Variants in ATG4C observed in about 807,000 individuals in gnomAD.
ATG4C encodes the protein cysteine protease ATG4C.
In ATG4C, 56 loss-of-function variants were observed where a neutral mutation model predicts 57.6. The observed-to-expected ratio is 0.97, with a 90% confidence interval of 0.78 to 1.21. The LOEUF (loss-of-function observed/expected upper bound fraction) is 1.21. Among genes scored for constraint, ATG4C ranks in the 50% most tolerant of loss-of-function variants. The pLI is 0.00. For synonymous variants in ATG4C, 157 were observed against 174.1 expected (o/e 0.90, Z 0.78); for missense variants, 595 against 529.8 (o/e 1.12, Z -1.21).
chr1:62,855,229 A>G (rs1304811561), intron 10 of ATG4C, among the ~76,000 whole-genome samples: 1 of 152,124 alleles, frequency 6.6e-6, no homozygotes, highest in Non-Finnish European at 1.5e-5. Context: ...GAATTTGCTT[A>G]CTTTTCATGG....
intron 10 of ATG4C, among the ~76,000 whole-genome samples, chr1:62,846,194 G>A (rs1331693820): frequency 6.6e-6 from 1 of 152,176 alleles, no homozygotes; most frequent in Admixed American, 6.5e-5. Flanking sequence ...GAATCTCAGA[G>A]TTCATTCTAC....
intron 6 of ATG4C, among the ~76,000 whole-genome samples, chr1:62,827,362 C>G (rs967339738): frequency 6.6e-6 from 1 of 152,114 alleles, no homozygotes; most frequent in Non-Finnish European, 1.5e-5. Flanking sequence ...TGCTTTTCCC[C>G]TAGGTATCTG....
At chr1:62,863,638 A>G (rs1316032354) in intron 10 of ATG4C, among the ~76,000 whole-genome samples, 2 of 152,018 alleles carry the variant, frequency 1.3e-5, no homozygotes, top group East Asian at 1.9e-4. Flanking sequence ...CAGTGATACC[A>G]TTTTGTTTCA....
intron 1 of ATG4C, among the ~76,000 whole-genome samples, chr1:62,803,411 A>G (rs1176676873): frequency 1.3e-5 from 2 of 152,148 alleles, no homozygotes; most frequent in Non-Finnish European, 2.9e-5. Flanking sequence ...TGTGTTACTA[A>G]ATTGATTTAT....
At position 62,825,854 on chromosome 1, in the gene ATG4C, T is replaced by C. The variant is rs148633510; in HGVS notation, c.797-3186T>C. Among the ~76,000 whole-genome samples the C allele has an allele frequency of 7.3e-4, 111 of 152,286 alleles. 3 individuals are homozygous for C. In the East Asian group the frequency reaches 0.02, roughly 28 times the overall value. On this transcript the variant is annotated intron_variant, in intron 6 of 10. Coordinates refer to ENST00000317868, the MANE Select transcript of ATG4C (RefSeq NM_032852.4). ...AAATCACCTGTGACTCAATTTTTTC[T>C]CTCACATCTTACATTTAATAGTGAG...
intron 3 of ATG4C, among the ~76,000 whole-genome samples, chr1:62,809,855 A>G (rs1423807484): frequency 2.0e-5 from 3 of 151,982 alleles, no homozygotes; most frequent in Admixed American, 6.6e-5. Flanking sequence ...GCAAAATAAA[A>G]TGAGATACTG....
intron 6 of ATG4C, among the ~76,000 whole-genome samples, chr1:62,828,301 C>T (rs961781443): frequency 2.6e-5 from 4 of 152,170 alleles, no homozygotes; most frequent in African/African-American, 7.2e-5. Context: ...TCCACAACCT[C>T]GCCAGCATCT....
intron 9 of ATG4C, 31 bp downstream of exon 9, chr1:62,834,883 C>A (rs1291569646): frequency 6.4e-7 from 1 of 1,563,926 alleles, no homozygotes; most frequent in Non-Finnish European, 8.8e-7. Flanking sequence ...ATACTGTTTT[C>A]TTACCATATG....
chr1:62,809,856 T>C (rs1056243619), intron 3 of ATG4C, among the ~76,000 whole-genome samples: 3 of 151,822 alleles, frequency 2.0e-5, no homozygotes, highest in African/African-American at 7.3e-5. Context: ...CAAAATAAAA[T>C]GAGATACTGT....
At chr1:62,839,896 A>G (rs193134430) in intron 9 of ATG4C, among the ~76,000 whole-genome samples, 69 of 149,636 alleles carry the variant, frequency 4.6e-4, no homozygotes, top group Middle Eastern at 3.4e-3. Flanking sequence ...TATGCAGTTG[A>G]ACTTTTCATT....
intron 1 of ATG4C, among the ~76,000 whole-genome samples, chr1:62,796,002 A>G (rs1664449312): frequency 6.6e-6 from 1 of 152,168 alleles, no homozygotes; most frequent in African/African-American, 2.4e-5. Flanking sequence ...ATTTTGGCAT[A>G]TCAGTTAATC....
rs114332888 is a variant in ATG4C at position 62,784,909 on chromosome 1, T to C, written c.-69+636T>C. On this transcript the variant is annotated intron_variant, in intron 1 of 10. Coordinates refer to ENST00000317868, the MANE Select transcript of ATG4C (RefSeq NM_032852.4). ...CTTACATATGATGACTATATTCATA[T>C]ATGAGAACCTTCAGCGGTCAACTCA... is the stretch of plus-strand genomic sequence containing the variant. Among the ~76,000 whole-genome samples, 1,282 of 152,336 alleles carry C rather than the reference T, an allele frequency of 8.4e-3. 21 individuals are homozygous for C. The highest frequency in any genetic ancestry group is 0.03 in the African/African-American group (1,232 of 41,578).
At chr1:62,823,324 C>G (rs1377936909) in intron 6 of ATG4C, among the ~76,000 whole-genome samples, 1 of 152,194 alleles carries the variant, frequency 6.6e-6, no homozygotes, top group Non-Finnish European at 1.5e-5. Flanking sequence ...TTTCTCTTGA[C>G]TAATAGTGGC....
chr1:62,846,011 A>T (rs746048673), intron 10 of ATG4C, among the ~76,000 whole-genome samples: 4 of 152,162 alleles, frequency 2.6e-5, no homozygotes, highest in Non-Finnish European at 4.4e-5. Context: ...AGGGAAAGAG[A>T]GAGCTCACAG....
chr1:62,857,512 G>A (rs1666722392), intron 10 of ATG4C, among the ~76,000 whole-genome samples: 1 of 152,066 alleles, frequency 6.6e-6, no homozygotes, highest in South Asian at 2.1e-4. Flanking sequence ...ATATTGCAAT[G>A]TAATAATATA....
At chr1:62,826,071 C>A (rs879516466) in intron 6 of ATG4C, among the ~76,000 whole-genome samples, 4 of 151,924 alleles carry the variant, frequency 2.6e-5, no homozygotes, top group Non-Finnish European at 5.9e-5. Context: ...CCATGCCCGG[C>A]TAATTTTTTG....
At chr1:62,823,581 C>G (rs575872458) in intron 6 of ATG4C, among the ~76,000 whole-genome samples, 1 of 152,306 alleles carries the variant, frequency 6.6e-6, no homozygotes, top group East Asian at 1.9e-4. Context: ...GTCCCTTTAT[C>G]TACAAACCAA....
intron 10 of ATG4C, among the ~76,000 whole-genome samples, chr1:62,858,058 A>G (rs745916061): frequency 1.3e-5 from 2 of 152,326 alleles, no homozygotes; most frequent in Non-Finnish European, 2.9e-5. Context: ...TATTTGATTC[A>G]GAGAGAAAGG....
chr1:62,786,187 C>T (rs1247386111), intron 1 of ATG4C, among the ~76,000 whole-genome samples: 4 of 152,148 alleles, frequency 2.6e-5, no homozygotes, highest in Non-Finnish European at 4.4e-5. Flanking sequence ...ACAACAGCTG[C>T]AAGGATCTGT....
Sources: gnomAD v4.1 joint callset for allele counts (sites outside exome capture counted in the v4.1 genomes callset) on GRCh38, gnomAD v4.1.1 for gene constraint, MANE v1.5 for transcripts, NCBI Gene and HGNC (gene_info 2026-07-23, HGNC 2026-07-21) for gene names.